XKR6: variants seen among roughly 807,000 people sequenced by gnomAD.
XKR6 encodes the protein XK-related protein 6.
XKR6 carries 22 observed loss-of-function variants against 56.7 expected under a neutral mutation model. The observed-to-expected ratio is 0.39, with a 90% CI of 0.28 to 0.55. The LOEUF (loss-of-function observed/expected upper bound fraction) is 0.55, where lower values mean the gene tolerates loss of function less well. Among genes scored for constraint, XKR6 ranks in the 20% least tolerant of loss-of-function variants. XKR6 has a pLI of 0.66. For missense variants in XKR6, 852 were observed against 889.0 expected, an observed-to-expected ratio of 0.96 and a Z score of 0.53; for synonymous variants, 524 against 387.8, an observed-to-expected ratio of 1.35 and a Z score of -4.13.
At chr8:11,010,146 A>G (rs1798466924) in intron 1 of XKR6, among the ~76,000 whole-genome samples, 1 of 152,268 alleles carries the variant, frequency 6.6e-6, no homozygotes, top group East Asian at 1.9e-4. Flanking sequence ...GTCATCTCTT[A>G]TATGGCCACA....
rs572401029 is a variant in XKR6, at chr8:10,897,907, G to A, written c.*45C>T. On this transcript the variant is annotated 3_prime_UTR_variant, in exon 3 of 3. Coordinates refer to ENST00000416569, the MANE Select transcript of XKR6 (RefSeq NM_173683.4). The stretch of plus-strand genomic sequence containing the variant: ...ATATTTCTTGCAAGTGCTGTTTGCC[G>A]CAAACCAAACTTAAGGTCCCCTTCT... The A allele has an allele frequency of 3.9e-5, 59 of 1,517,968 alleles. No homozygotes were observed. The East Asian group carries it at 4.6e-4, about 12-fold the overall frequency. The allele number at this position is 1,517,968 out of a possible 1,614,324, so 94.0% of individuals were successfully genotyped here.
At chr8:11,077,447 G>A (rs1006448747) in intron 1 of XKR6, among the ~76,000 whole-genome samples, 1 of 152,188 alleles carries the variant, frequency 6.6e-6, no homozygotes, top group Non-Finnish European at 1.5e-5. Context: ...CTTTGAGTAT[G>A]AGACTGTGGC....
At chr8:11,112,923 A>T (rs750847286) in intron 1 of XKR6, among the ~76,000 whole-genome samples, 11 of 152,280 alleles carry the variant, frequency 7.2e-5, no homozygotes, top group Non-Finnish European at 1.2e-4. Context: ...TTAAGCAGTA[A>T]GAAAATACTG....
At chr8:11,028,537 G>C (rs985901901) in intron 1 of XKR6, among the ~76,000 whole-genome samples, 1 of 152,168 alleles carries the variant, frequency 6.6e-6, no homozygotes, top group African/African-American at 2.4e-5. Context: ...GTACTATTTT[G>C]AGTTCCCACC....
chr8:11,022,836 T>C (rs535411911), intron 1 of XKR6, among the ~76,000 whole-genome samples: 1 of 152,240 alleles, frequency 6.6e-6, no homozygotes, highest in East Asian at 1.9e-4. Flanking sequence ...TTATTTGTTA[T>C]AAATATTTCA....
chr8:11,128,306 C>CCTT (rs1348350649), intron 1 of XKR6, among the ~76,000 whole-genome samples: 11 of 152,180 alleles, frequency 7.2e-5, no homozygotes, highest in Admixed American at 5.9e-4. Flanking sequence ...AGTTCCCAGG[C>CCTT]CTTCCTGTCT....
chr8:11,155,552 T>C (rs1048512012), intron 1 of XKR6, among the ~76,000 whole-genome samples: 4 of 152,216 alleles, frequency 2.6e-5, no homozygotes, highest in African/African-American at 9.6e-5. Flanking sequence ...CACACAAATA[T>C]AGCTTTACTC....
At chr8:11,143,962 T>C (rs779931852) in intron 1 of XKR6, among the ~76,000 whole-genome samples, 1 of 152,136 alleles carries the variant, frequency 6.6e-6, no homozygotes, top group Non-Finnish European at 1.5e-5. Flanking sequence ...CCTTCTCCCT[T>C]TGTCCTCACA....
chr8:11,171,224 C>T (rs552931363), intron 1 of XKR6, among the ~76,000 whole-genome samples: 1 of 152,352 alleles, frequency 6.6e-6, no homozygotes, highest in African/African-American at 2.4e-5. Flanking sequence ...GTAACATGAA[C>T]TGCCATTACA....
chr8:10,989,754 T>C (rs1170436598), intron 1 of XKR6, among the ~76,000 whole-genome samples: 2 of 152,238 alleles, frequency 1.3e-5, no homozygotes, highest in East Asian at 3.8e-4. Context: ...GTATTATTAA[T>C]AACATTTTGG....
intron 1 of XKR6, among the ~76,000 whole-genome samples, chr8:11,142,541 T>C (rs1049388123): frequency 3.3e-5 from 5 of 152,158 alleles, no homozygotes; most frequent in African/African-American, 1.2e-4. Context: ...TCCTTGGTGA[T>C]GAGTGAGTTA....
intron 1 of XKR6, among the ~76,000 whole-genome samples, chr8:11,107,106 T>A (rs768922662): frequency 3.3e-5 from 5 of 151,876 alleles, no homozygotes; most frequent in Non-Finnish European, 5.9e-5. Flanking sequence ...ACAAAAGGGC[T>A]AAAAATGAGC....
intron 1 of XKR6, among the ~76,000 whole-genome samples, chr8:10,937,639 G>C (rs1348848958): frequency 1.4e-4 from 21 of 150,130 alleles, no homozygotes; most frequent in African/African-American, 5.1e-4. Context: ...CTCAGCTGCA[G>C]GTCTGTTGGA....
intron 1 of XKR6, among the ~76,000 whole-genome samples, chr8:11,193,125 A>G (rs1233200323): frequency 6.6e-6 from 1 of 152,236 alleles, no homozygotes; most frequent in Non-Finnish European, 1.5e-5. Context: ...GGTGGTGAAG[A>G]AAACAATATG....
intron 1 of XKR6, among the ~76,000 whole-genome samples, chr8:11,051,258 C>G (rs1437474722): frequency 1.3e-5 from 2 of 152,036 alleles, no homozygotes; most frequent in South Asian, 4.1e-4. Flanking sequence ...TGCTGGTTCC[C>G]CCACCTCCTG....
chr8:10,988,734 A>G (rs1797921139), intron 1 of XKR6, among the ~76,000 whole-genome samples: 1 of 152,226 alleles, frequency 6.6e-6, no homozygotes, highest in South Asian at 2.1e-4. Flanking sequence ...GCACCAAAGG[A>G]AGAAAAGAGA....
chr8:10,956,525 C>G (rs1488467295), intron 1 of XKR6, among the ~76,000 whole-genome samples: 1 of 152,142 alleles, frequency 6.6e-6, no homozygotes, highest in African/African-American at 2.4e-5. Flanking sequence ...GGAGCTCAGC[C>G]AATTATCGAC....
At chr8:10,964,119 TCTC>T (rs1172174442) in intron 1 of XKR6, among the ~76,000 whole-genome samples, 1 of 152,164 alleles carries the variant, frequency 6.6e-6, no homozygotes, top group Non-Finnish European at 1.5e-5. Context: ...CTGAGAATCT[TCTC>T]CTGGGGTCCT....
intron 1 of XKR6, among the ~76,000 whole-genome samples, chr8:11,072,820 CG>C (rs1408585865): frequency 6.6e-6 from 1 of 152,090 alleles, no homozygotes; most frequent in African/African-American, 2.4e-5. Flanking sequence ...GAGACCAAGG[CG>C]GGTGGATCAC....
Sources: allele counts gnomAD v4.1 joint callset (sites outside exome capture counted in the v4.1 genomes callset), GRCh38; gene constraint gnomAD v4.1.1; transcripts MANE v1.5; gene names NCBI Gene and HGNC (gene_info 2026-07-23, HGNC 2026-07-21).